The following SPATA7 variants were observed in gnomAD, a reference collection of about 807,000 sequenced individuals.
The protein encoded by SPATA7 is spermatogenesis associated 7, also known as spermatogenesis-associated protein 7.
Under a neutral mutation model 51.8 loss-of-function variants are expected in SPATA7, and 43 were observed. The ratio of observed to expected loss-of-function variants is 0.83; its 90% CI spans 0.65 to 1.07. SPATA7 has a LOEUF of 1.07. Among genes scored for constraint, SPATA7 ranks in the 50% least tolerant of loss-of-function variants. The pLI is 0.00. For missense variants in SPATA7, 683 were observed against 701.3 expected (o/e 0.97, Z 0.30); for synonymous variants, 230 against 252.8 (o/e 0.91, Z 0.86).
chr14:88,403,174 T>C (rs2076116260), intron 4 of SPATA7, among the ~76,000 whole-genome samples: 1 of 152,032 alleles, frequency 6.6e-6, no homozygotes, highest in African/African-American at 2.4e-5. Context: ...ATGTAACAAG[T>C]GTTGGCAAGG....
chr14:88,448,105 G>A lies in SPATA7; in HGVS notation c.178-6955G>A, dbSNP rs1026283536. Among the ~76,000 whole-genome samples, 510 of 152,136 alleles carry A rather than the reference G, an allele frequency of 3.4e-3. 3 individuals are homozygous for A. Among genetic ancestry groups the A allele is most frequent in the African/African-American group, 8.3e-3 (343 of 41,468 alleles). On this transcript the variant is annotated intron_variant, in intron 3 of 3. Coordinates refer to the SPATA7 transcript ENST00000554802. ...TTTCCAACTTGGTTCCATTCTCCCC[G>A]TCACTTTCAGGTACACCAATCAGAC...
At chr14:88,444,552 C>T (rs2077198797) in intron 3 of SPATA7, among the ~76,000 whole-genome samples, 1 of 151,528 alleles carries the variant, frequency 6.6e-6, no homozygotes, top group South Asian at 2.1e-4. Context: ...GACATGAAGT[C>T]CTTGCCCATG....
chr14:88,433,952 G>GT (rs2077007634), intron 10 of SPATA7, among the ~76,000 whole-genome samples: 2 of 152,090 alleles, frequency 1.3e-5, no homozygotes, highest in Non-Finnish European at 2.9e-5. Flanking sequence ...CATTAATTCT[G>GT]TTGACCCCTT....
intron 5 of SPATA7, among the ~76,000 whole-genome samples, chr14:88,423,548 T>TA (rs879530968): frequency 0.036 from 5,178 of 144,172 alleles, 295 homozygotes; most frequent in African/African-American, 0.12. Flanking sequence ...AAAGTAAGAT[T>TA]AAAAAAAAAA....
At chr14:88,421,393 T>C (rs530135500) in intron 5 of SPATA7, among the ~76,000 whole-genome samples, 5 of 152,260 alleles carry the variant, frequency 3.3e-5, no homozygotes, top group African/African-American at 1.2e-4. Flanking sequence ...TATGGACTGC[T>C]GGGCAAAAGC....
intron 2 of SPATA7, among the ~76,000 whole-genome samples, chr14:88,392,053 C>G (rs1259962424): frequency 6.6e-6 from 1 of 152,086 alleles, no homozygotes; most frequent in Non-Finnish European, 1.5e-5. Flanking sequence ...ATACTGTTAC[C>G]TCCAAATGTG....
At chr14:88,437,073 CT>C (rs771890040) in intron 10 of SPATA7, among the ~76,000 whole-genome samples, 4,637 of 137,434 alleles carry the variant, frequency 0.034, 202 homozygotes, top group African/African-American at 0.1. Context: ...AATATTTTTC[CT>C]TTTTTTTTTT....
chr14:88,452,875 C>T (rs1460089009), intron 3 of SPATA7, among the ~76,000 whole-genome samples: 2 of 152,188 alleles, frequency 1.3e-5, no homozygotes, highest in Non-Finnish European at 2.9e-5. Flanking sequence ...CCGAAGCACC[C>T]TGTGTCAATC....
intron 4 of SPATA7, among the ~76,000 whole-genome samples, chr14:88,397,832 T>C (rs1332277485): frequency 3.3e-5 from 5 of 152,048 alleles, no homozygotes; most frequent in African/African-American, 9.7e-5. Flanking sequence ...TTAAGAAATG[T>C]ATACTTTATG....
At chr14:88,455,930 G>C (rs1031018411), downstream of SPATA7, among the ~76,000 whole-genome samples, 6 of 138,454 alleles carry the variant, frequency 4.3e-5, no homozygotes, top group African/African-American at 1.7e-4. Context: ...CTGTGTCCAT[G>C]TGTTCTCATT....
downstream of SPATA7, among the ~76,000 whole-genome samples, chr14:88,458,179 T>C (rs1316094046): frequency 6.6e-6 from 1 of 152,238 alleles, no homozygotes; most frequent in Non-Finnish European, 1.5e-5. Flanking sequence ...GATATTGGTC[T>C]AAAATTCTCT....
At chr14:88,389,531 TG>T (rs1429692274) in intron 1 of SPATA7, among the ~76,000 whole-genome samples, 1 of 152,158 alleles carries the variant, frequency 6.6e-6, no homozygotes, top group Non-Finnish European at 1.5e-5. Flanking sequence ...TAATATGACA[TG>T]TATCTATAGG....
chr14:88,437,983 A>C lies in SPATA7; in HGVS notation c.1361A>C (p.Asn454Thr). ...AGNSEPNELK[N>T]ESEVTIQQER... ...AATTCAGAACCAAATGAATTAAAAA[A>C]TGAAAGTGAAGTAACAATTCAGCAG... The change falls in exon 12 of 12, where the codon AAT (asparagine) becomes ACT (threonine). Residue 454 changes from asparagine to threonine, a missense_variant. Asn to Thr is a moderately conservative substitution (Grantham distance 65). Transcript: ENST00000393545. 1 of 1,614,088 alleles carries C rather than the reference A, an allele frequency of 6.2e-7. No individual in the cohort carries two copies. Among genetic ancestry groups the C allele is most frequent in the Non-Finnish European group, 8.5e-7 (1 of 1,179,990 alleles).
intron 3 of SPATA7, 122 bp downstream of exon 3, chr14:88,393,610 G>T: frequency 2.5e-6 from 2 of 807,360 alleles, no homozygotes; most frequent in Non-Finnish European, 4.1e-6. Flanking sequence ...GTATTTGTTT[G>T]GTTTAGTGTG....
chr14:88,396,737 A>G (rs1161033288), intron 4 of SPATA7, among the ~76,000 whole-genome samples: 4 of 152,228 alleles, frequency 2.6e-5, no homozygotes, highest in African/African-American at 9.6e-5. Flanking sequence ...TGCTATGGAC[A>G]TGAGTATACA....
intron 4 of SPATA7, chr14:88,468,307 G>A (rs366476): frequency 0.43 from 665,080 of 1,538,546 alleles, 146,574 homozygotes; most frequent in East Asian, 0.64. Flanking sequence ...GTGTTCCCCT[G>A]GGGAGACAGA....
intron 3 of SPATA7, among the ~76,000 whole-genome samples, chr14:88,453,597 C>T (rs113343643): frequency 0.018 from 2,671 of 152,232 alleles, 84 homozygotes; most frequent in African/African-American, 0.061. Flanking sequence ...TTAAAGAGCT[C>T]GGACTAAATG....
At position 88,420,471 on chromosome 14, in the gene SPATA7, C is replaced by T. The variant is rs543656349; in HGVS notation, c.372+3627C>T. Among the ~76,000 whole-genome samples the T allele has an allele frequency of 5.3e-5, 8 of 152,254 alleles. No homozygotes were observed. The South Asian group carries it at 1.7e-3, about 32-fold the overall frequency. On this transcript the variant is annotated intron_variant, in intron 5 of 11. Transcript: ENST00000393545. ...CAAGAAAAATCATTAATGTGCAGAT[C>T]GTTCAGCTTTTTTCTTCTTGTAATG...
downstream of SPATA7, among the ~76,000 whole-genome samples, chr14:88,455,667 T>G (rs1328995200): frequency 1.3e-5 from 2 of 151,008 alleles, no homozygotes; most frequent in African/African-American, 2.5e-5. Context: ...CACATAAAAT[T>G]GCTTTTTTTT....
Sources: allele counts gnomAD v4.1 joint callset (sites outside exome capture counted in the v4.1 genomes callset), GRCh38; gene constraint gnomAD v4.1.1; transcripts MANE v1.5; gene names NCBI Gene and HGNC (gene_info 2026-07-23, HGNC 2026-07-21).